PSMD6: variants seen among roughly 807,000 people sequenced by gnomAD.
PSMD6 encodes the protein 26S proteasome non-ATPase regulatory subunit 6.
In PSMD6, 7 loss-of-function variants were observed where a neutral mutation model predicts 44.9. The observed-to-expected ratio is 0.16, with a 90% CI of 0.09 to 0.29. The LOEUF (loss-of-function observed/expected upper bound fraction) is 0.29, where lower values mean the gene tolerates loss of function less well. Among genes scored for constraint, PSMD6 ranks in the 10% least tolerant of loss-of-function variants. PSMD6 has a pLI of 1.00. For synonymous variants in PSMD6, 184 were observed against 172.7 expected, an observed-to-expected ratio of 1.07 and a Z score of -0.51; for missense variants, 420 against 482.6, an observed-to-expected ratio of 0.87 and a Z score of 1.21.
chr3:64,018,048 G>C (rs1033567443), intron 5 of PSMD6, among the ~76,000 whole-genome samples: 11 of 152,204 alleles, frequency 7.2e-5, no homozygotes. Context: ...TTACGTTCAA[G>C]AGATTATTTT....
chr3:64,019,470 G>C (rs764855565), intron 2 of PSMD6, 29 bp from the exon 3 acceptor site: 3 of 1,594,322 alleles, frequency 1.9e-6, no homozygotes, highest in Non-Finnish European at 1.7e-6. Flanking sequence ...CAATAGGTGA[G>C]AAAAGGCTAC....
intron 6 of PSMD6, chr3:64,012,547 C>T (rs1010182344): frequency 6.6e-6 from 1 of 152,232 alleles, no homozygotes; most frequent in South Asian, 2.1e-4. Context: ...ATCAAACTTA[C>T]TTAAAACTCA....
At chr3:64,017,288 G>A (rs1179644653) in intron 5 of PSMD6, 1 of 152,146 alleles carries the variant, frequency 6.6e-6, no homozygotes, top group African/African-American at 2.4e-5. Context: ...TAATTTTATG[G>A]TGTGTGATTT....
In PSMD6 at chr3:64,010,968, CAAAA is replaced by C. The variant is rs756324335; in HGVS notation, c.996-17_996-14del. 23 of 1,558,834 alleles carry C rather than the reference CAAAA, an allele frequency of 1.5e-5. No individual in the cohort carries two copies. Among genetic ancestry groups the C allele is most frequent in the Non-Finnish European group, 1.9e-5 (22 of 1,145,390 alleles). On this transcript the variant is annotated splice_polypyrimidine_tract_variant and intron_variant, in intron 6 of 7. Coordinates refer to ENST00000295901, the MANE Select transcript of PSMD6 (RefSeq NM_014814.3). The stretch of plus-strand genomic sequence containing the variant: ...CCTGGACAGTTCCCTAATTTAGAGA[CAAAA>C]AATAACAGAATTAGCTTTATAGAAA...
At chr3:64,022,621 C>T (rs1576039941) in intron 1 of PSMD6, 98 bp from the exon 2 acceptor site, 1 of 1,576,944 alleles carries the variant, frequency 6.3e-7, no homozygotes, top group Non-Finnish European at 8.6e-7. Flanking sequence ...ACAAGTCATC[C>T]ACCAGTCTCT....
chr3:64,018,275 G>T, intron 5 of PSMD6: 1 of 183,166 alleles, frequency 5.5e-6, no homozygotes, highest in Non-Finnish European at 1.1e-5. Context: ...TTAACCAGGG[G>T]TCTGGCAAAT....
In PSMD6 at chr3:64,011,175, A is replaced by C. The variant is rs1485351412; in HGVS notation, c.996-220T>G. 9.8e-6 allele frequency: 4 copies of C among 408,910 alleles called. 1 individual carries two copies. The highest frequency in any genetic ancestry group is 7.7e-5 in the East Asian group (2 of 25,832). The allele number at this position is 408,910 out of a possible 1,614,324, so 25.3% of individuals were successfully genotyped here. A position where few individuals can be genotyped will look rare whatever the true frequency, so the allele number is the denominator to read the frequency against. ...ATCCTAGAAGTTCATATTCAGATAG[A>C]TAGAAAGTAGATCAAACAATGAAAC... On this transcript the variant is annotated intron_variant, in intron 6 of 7. Coordinates refer to ENST00000295901, the MANE Select transcript of PSMD6 (RefSeq NM_014814.3).
Position 64,019,419 on chromosome 3 carries a change from C to T in PSMD6, c.374G>A (p.Arg125His), listed in dbSNP as rs376956971. ...GGCCACAGTTTTGTCATATGTCTTG[C>T]GAAAGGCTGTCAGAGCTCCCTCCTG... ...GDKEGALTAF[R>H]KTYDKTVALG... The change falls in exon 3 of 8, where the codon CGC (arginine) becomes CAC (histidine). Residue 125 changes from arginine (R) to histidine (H), a missense_variant. This residue lies in a region of PSMD6 where 216 missense variants were observed against 227.0 expected (regional missense o/e 0.95). Coordinates refer to ENST00000295901, the MANE Select transcript of PSMD6 (RefSeq NM_014814.3). 8 of 1,612,560 alleles carry T rather than the reference C, an allele frequency of 5.0e-6. No individual in the cohort carries two copies. The highest frequency in any genetic ancestry group is 4.0e-5 in the African/African-American group (3 of 74,798).
At chr3:64,011,317 G>C (rs1175213183) in intron 6 of PSMD6, 1 of 167,286 alleles carries the variant, frequency 6.0e-6, no homozygotes, top group Non-Finnish European at 1.3e-5. Flanking sequence ...CAGCCCATCA[G>C]TAAACATGTC....
intron 5 of PSMD6, chr3:64,016,331 A>T (rs1478412414): frequency 6.6e-6 from 1 of 152,134 alleles, no homozygotes; most frequent in Non-Finnish European, 1.5e-5. Context: ...TCACTTTCTC[A>T]ATTTATTTTT....
chr3:64,023,006 G>A (rs936403719), intron 1 of PSMD6: 17 of 1,419,232 alleles, frequency 1.2e-5, no homozygotes, highest in Admixed American at 5.7e-5. Flanking sequence ...CCTAGCACAG[G>A]GGTAAATATT....
chr3:64,021,465 G>T (rs1335758944), intron 2 of PSMD6, among the ~76,000 whole-genome samples: 1 of 152,120 alleles, frequency 6.6e-6, no homozygotes, highest in East Asian at 1.9e-4. Flanking sequence ...TTTAAAAATT[G>T]GTTCTTTCAT....
intron 5 of PSMD6, chr3:64,013,859 C>A: frequency 3.0e-6 from 1 of 336,688 alleles, no homozygotes; most frequent in Non-Finnish European, 5.4e-6. Context: ...TCTAAAGGAA[C>A]TTGTTCATAG....
intron 2 of PSMD6, among the ~76,000 whole-genome samples, chr3:64,021,349 T>G (rs1559678573): frequency 6.6e-6 from 1 of 152,130 alleles, no homozygotes; most frequent in African/African-American, 2.4e-5. Flanking sequence ...CTCTTAAATA[T>G]AATGCTGAAT....
rs559211797 is a variant in PSMD6, at chr3:64,011,023, TAAA to T, written c.996-71_996-69del. On this transcript the variant is annotated intron_variant, in intron 6 of 7. Coordinates refer to ENST00000295901, the MANE Select transcript of PSMD6 (RefSeq NM_014814.3). ...ATTCTTAGAAAAATGCAAACGGCAT[TAAA>T]ATACTGTCTTAAATTTGTAACAAAC... is the stretch of plus-strand genomic sequence containing the variant. The T allele has an allele frequency of 3.6e-3, 4,492 of 1,249,264 alleles. 14 individuals are homozygous for T. Among genetic ancestry groups the T allele is most frequent in the Non-Finnish European group, 4.3e-3 (3,833 of 886,008 alleles). 77.4% of individuals were successfully genotyped at this position (1,249,264 alleles called of 1,614,324 possible).
Position 64,019,054 on chromosome 3 carries a change from G to GTA in PSMD6, c.498-19_498-18dup. The GTA allele has an allele frequency of 1.3e-6, 2 of 1,574,116 alleles. No individual in the cohort carries two copies. The highest frequency in any genetic ancestry group is 1.7e-6 in the Non-Finnish European group (2 of 1,144,564). ...TCTATTAAGCTATGAAATAAAAACA[G>GTA]TAAGATCATAGTCTGGAAACAGACA... On this transcript the variant is annotated splice_polypyrimidine_tract_variant and intron_variant, in intron 3 of 7. Coordinates refer to ENST00000295901, the MANE Select transcript of PSMD6 (RefSeq NM_014814.3).
chr3:64,023,508 G>C, upstream of PSMD6: 3 of 1,433,204 alleles, frequency 2.1e-6, no homozygotes, highest in Non-Finnish European at 2.8e-6. Flanking sequence ...GAATACGCCC[G>C]GCCGCCTGCG....
chr3:64,011,801 G>A (rs1015679100), intron 6 of PSMD6: 7 of 152,192 alleles, frequency 4.6e-5, no homozygotes, highest in Non-Finnish European at 7.3e-5. Flanking sequence ...TTACAGTTAC[G>A]ATACTGAAGA....
chr3:64,015,973 G>A (rs1294265400), intron 5 of PSMD6: 2 of 152,092 alleles, frequency 1.3e-5, no homozygotes, highest in East Asian at 3.9e-4. Context: ...GGATCGTGAG[G>A]TCAGGAGATC....
Sources: gnomAD v4.1 joint callset for allele counts (sites outside exome capture counted in the v4.1 genomes callset) on GRCh38, gnomAD v4.1.1 for gene constraint, gnomAD v4.1.1 regional missense constraint, MANE v1.5 for transcripts, NCBI Gene and HGNC (gene_info 2026-07-23, HGNC 2026-07-21) for gene names.